The following GFRA2 variants were observed in gnomAD, a reference collection of about 807,000 sequenced individuals.
The protein encoded by GFRA2 is GDNF family receptor alpha-2.
GFRA2 carries 17 observed loss-of-function variants against 48.3 expected under a neutral mutation model. The ratio of observed to expected loss-of-function variants is 0.35; its 90% CI spans 0.24 to 0.53. The LOEUF is 0.53. Ranked by LOEUF, GFRA2 falls within the 20% of genes least tolerant of loss-of-function variation. GFRA2 has a pLI of 0.93. For synonymous variants in GFRA2, 305 were observed against 257.2 expected (o/e 1.19, Z -1.78); for missense variants, 660 against 637.3 (o/e 1.04, Z -0.38).
intron 6 of GFRA2, 91 bp downstream of exon 6, chr8:21,704,894 C>A: frequency 5.9e-6 from 6 of 1,021,140 alleles, no homozygotes; most frequent in Non-Finnish European, 7.5e-6. Context: ...CATCACCAGC[C>A]ATCCCCACGG....
rs1423790369 is a variant in GFRA2 at position 21,705,114 on chromosome 8, T to C, written c.916A>G (p.Thr306Ala). 6.2e-7 allele frequency: 1 copy of C among 1,610,112 alleles called. No homozygotes were observed. Among genetic ancestry groups the C allele is most frequent in the Non-Finnish European group, 8.5e-7 (1 of 1,178,860 alleles). Residue 306 changes from threonine to alanine, a missense_variant, in exon 6 of 9, where the codon ACA becomes GCA. By Grantham distance (58) the Thr-to-Ala change is moderately conservative (BLOSUM62 0). Transcript: ENST00000524240. ...SYAGMIGFDM[T>A]PNYVDSSPTG... ...GGGCTGGAGTCCACATAGTTAGGTG[T>C]CATGTCAAACCCTGGGCAGGAAGAA...
intron 3 of GFRA2, among the ~76,000 whole-genome samples, chr8:21,770,623 G>T (rs1180626355): frequency 6.6e-6 from 1 of 152,162 alleles, no homozygotes; most frequent in Non-Finnish European, 1.5e-5. Flanking sequence ...CACTTGCACG[G>T]CATGGCCAGA....
chr8:21,747,154 G>T (rs950164411), intron 4 of GFRA2, among the ~76,000 whole-genome samples: 2 of 152,126 alleles, frequency 1.3e-5, no homozygotes, highest in African/African-American at 2.4e-5. Flanking sequence ...GCCCAGTTCC[G>T]GTCTGCTCCA....
At chr8:21,719,464 G>A (rs1337684907) in intron 4 of GFRA2, among the ~76,000 whole-genome samples, 2 of 152,018 alleles carry the variant, frequency 1.3e-5, no homozygotes, top group South Asian at 4.1e-4. Flanking sequence ...AGAATTAAAC[G>A]TATGCATCAT....
chr8:21,784,138 G>A (rs981122346), intron 1 of GFRA2, among the ~76,000 whole-genome samples: 1 of 152,146 alleles, frequency 6.6e-6, no homozygotes, highest in Non-Finnish European at 1.5e-5. Context: ...TGCCTCAGGA[G>A]GGAGGGGACA....
intron 4 of GFRA2, among the ~76,000 whole-genome samples, chr8:21,718,710 C>T (rs918312210): frequency 6.6e-6 from 1 of 152,190 alleles, no homozygotes; most frequent in Non-Finnish European, 1.5e-5. Flanking sequence ...TCGTTACCAT[C>T]ACTGAGTGGT....
chr8:21,804,425 T>TAA (rs758669783), intron 2 of GFRA2, among the ~76,000 whole-genome samples: 1 of 124,990 alleles, frequency 8.0e-6, no homozygotes, highest in Non-Finnish European at 1.7e-5. Flanking sequence ...ACTTCTCTGC[T>TAA]AAAAAAAAAA....
At chr8:21,763,338 T>G (rs1225190374) in intron 3 of GFRA2, among the ~76,000 whole-genome samples, 1 of 152,162 alleles carries the variant, frequency 6.6e-6, no homozygotes, top group Non-Finnish European at 1.5e-5. Context: ...TCATCATTTC[T>G]GCCCCATCTG....
rs919988087 is a variant in GFRA2, at chr8:21,775,923, C to T, written c.356-868G>A. Among the ~76,000 whole-genome samples the T allele has an allele frequency of 5.8e-3, 873 of 151,476 alleles. 8 individuals are homozygous for T. The highest frequency in any genetic ancestry group is 0.019 in the African/African-American group (800 of 41,204). On this transcript the variant is annotated intron_variant, in intron 2 of 8. Transcript: ENST00000524240. ...CCACCCTCCTCTGCTGAGGCCTCAG[C>T]GGGAAAGGAAATAGTCTCTTGAGAC...
chr8:21,710,864 A>C (rs1318205066), intron 4 of GFRA2, among the ~76,000 whole-genome samples: 4 of 152,234 alleles, frequency 2.6e-5, no homozygotes, highest in Non-Finnish European at 5.9e-5. Context: ...TTGGCAAGAT[A>C]AAGTGACAAA....
At chr8:21,767,894 C>T (rs1393432769) in intron 3 of GFRA2, among the ~76,000 whole-genome samples, 1 of 152,258 alleles carries the variant, frequency 6.6e-6, no homozygotes, top group African/African-American at 2.4e-5. Context: ...CAACACCCTG[C>T]TCACACCTTA....
chr8:21,705,207 G>A (rs1802681918), intron 5 of GFRA2, 82 bp from the exon 6 acceptor site: 14 of 1,423,926 alleles, frequency 9.8e-6, no homozygotes, highest in Non-Finnish European at 1.2e-5. Context: ...CCCAGGCACA[G>A]CAGGGCAGAG....
intron 3 of GFRA2, among the ~76,000 whole-genome samples, chr8:21,773,754 G>A (rs1806552464): frequency 1.3e-5 from 2 of 152,286 alleles, no homozygotes; most frequent in South Asian, 4.1e-4. Flanking sequence ...AAGGGCTTAG[G>A]TTCTCACTGG....
chr8:21,809,698 G>A (rs968599192), intron 1 of GFRA2, among the ~76,000 whole-genome samples: 8 of 152,242 alleles, frequency 5.3e-5, no homozygotes, highest in African/African-American at 1.7e-4. Flanking sequence ...CTGCATCATC[G>A]CACTGTGTTG....
intron 3 of GFRA2, among the ~76,000 whole-genome samples, chr8:21,766,723 C>T (rs928027597): frequency 8.0e-5 from 1 of 12,516 alleles, no homozygotes; most frequent in African/African-American, 3.0e-4. Flanking sequence ...TGTTCTGAGC[C>T]GCTCTGGCCC....
Position 21,788,796 on chromosome 8 carries a change from G to A in GFRA2, c.-637C>T. The A allele has an allele frequency of 3.0e-6, 3 of 985,428 alleles. No homozygotes were observed. The highest frequency in any genetic ancestry group is 3.6e-6 in the Non-Finnish European group (3 of 829,956). The allele number at this position is 985,428 out of a possible 1,614,324, so 61.0% of individuals were successfully genotyped here. On this transcript the variant is annotated 5_prime_UTR_variant, in exon 1 of 9. Transcript: ENST00000524240. ...GGAATTCCAGTGACCGTGTGTCTCT[G>A]CGTGCGTGTGTCTTTCTCTCTCCTC...
At position 21,750,916 on chromosome 8, in the gene GFRA2, C is replaced by G. The variant is rs566130609; in HGVS notation, c.466G>C (p.Ala156Pro). The change falls in exon 4 of 9, where the codon GCC (alanine) becomes CCC (proline). Residue 156 changes from alanine to proline, a missense_variant. Physicochemically the swap from Ala to Pro is conservative, Grantham distance 27. Transcript: ENST00000524240. The surrounding 1 kb of genome is among the most constrained non-coding windows in gnomAD (Gnocchi z 5.7). ...SGTGADPVVSAKSNHCLDAAK... is the reference protein window; with the variant it reads ...SGTGADPVVSPKSNHCLDAAK... ...GCATCCAGGCAATGGTTGCTCTTGG[C>G]GCTGACCACCGGGTCTGCCCCTGTC... The G allele has an allele frequency of 1.1e-5, 17 of 1,612,918 alleles. No individual in the cohort carries two copies. The highest frequency in any genetic ancestry group is 1.4e-5 in the Non-Finnish European group (16 of 1,179,560).
At position 21,811,577 on chromosome 8, in the gene GFRA2, G is replaced by C. The variant is rs141948341; in HGVS notation, c.-148+654C>G. 3.1e-3 allele frequency among the ~76,000 whole-genome samples: 469 copies of C among 152,164 alleles called. 1 individual carries two copies. The highest frequency in any genetic ancestry group is 0.011 in the African/African-American group (437 of 41,524). The stretch of plus-strand genomic sequence containing the variant: ...CGGGTCAGAGGAACAGTCTCGGCTT[G>C]AGCTTTACATTCCCCATGTCCTGGG... On this transcript the variant is annotated intron_variant, in intron 1 of 10. Coordinates refer to the GFRA2 transcript ENST00000517328.
At chr8:21,736,636 G>A (rs1306203308) in intron 4 of GFRA2, among the ~76,000 whole-genome samples, 1 of 151,946 alleles carries the variant, frequency 6.6e-6, no homozygotes, top group Non-Finnish European at 1.5e-5. Flanking sequence ...GCTGGGACTA[G>A]AGGCAGGCAC....
Sources: allele counts gnomAD v4.1 joint callset (sites outside exome capture counted in the v4.1 genomes callset), GRCh38; gene constraint gnomAD v4.1.1; non-coding constraint Gnocchi (gnomAD v3.1); transcripts MANE v1.5; gene names NCBI Gene and HGNC (gene_info 2026-07-23, HGNC 2026-07-21).